The following LDB3 variants were observed in gnomAD, a reference collection of about 807,000 sequenced individuals.
LDB3 encodes the protein LIM domain-binding protein 3.
A neutral mutation model predicts 69.0 loss-of-function variants in LDB3; 49 were observed. The ratio of observed to expected loss-of-function variants is 0.71; its 90% CI spans 0.56 to 0.90. The LOEUF is 0.90. LDB3 is among the 40% of genes least tolerant of loss of function. The pLI is 0.00. For missense variants in LDB3, 928 were observed against 974.1 expected (o/e 0.95, Z 0.63); for synonymous variants, 387 against 396.2 (o/e 0.98, Z 0.28).
intron 7 of LDB3, among the ~76,000 whole-genome samples, chr10:86,697,212 T>C (rs1846035768): frequency 6.9e-6 from 1 of 144,288 alleles, no homozygotes; most frequent in African/African-American, 2.6e-5. Context: ...TGCTAGCAAT[T>C]CACTTTTTTT....
rs1589608216 is a variant in LDB3 at position 86,673,859 on chromosome 10, G to C, written c.93+5075G>C. ...CCTGGTTTGAACACCGGGAGTGAAT[G>C]ATGGCCAGAAACGTCTGCAGAGCCC... On this transcript the variant is annotated intron_variant, in intron 2 of 13. Transcript: ENST00000361373. Among the ~76,000 whole-genome samples, 5 of 152,334 alleles carry C rather than the reference G, an allele frequency of 3.3e-5. No individual in the cohort carries two copies. The South Asian group carries it at 1.0e-3, about 32-fold the overall frequency.
chr10:86,706,811 G>A (rs1846463669), intron 8 of LDB3, 92 bp downstream of exon 8: 2 of 1,390,330 alleles, frequency 1.4e-6, no homozygotes, highest in South Asian at 2.7e-5. Flanking sequence ...TGTGTCCAAG[G>A]TAGTTAGGGC....
At chr10:86,691,619 T>C (rs1042106938) in intron 5 of LDB3, among the ~76,000 whole-genome samples, 2 of 152,030 alleles carry the variant, frequency 1.3e-5, no homozygotes, top group African/African-American at 4.8e-5. Flanking sequence ...TGGAAATGTC[T>C]CCGGCCTAGG....
At chr10:86,690,370 G>C (rs1214136452) in intron 5 of LDB3, among the ~76,000 whole-genome samples, 1 of 152,214 alleles carries the variant, frequency 6.6e-6, no homozygotes, top group Non-Finnish European at 1.5e-5. Flanking sequence ...GCAACAGCAA[G>C]ATCCCACCCT....
chr10:86,671,051 A>T (rs1589603296), intron 2 of LDB3, among the ~76,000 whole-genome samples: 1 of 152,022 alleles, frequency 6.6e-6, no homozygotes, highest in Admixed American at 6.5e-5. Context: ...CTCTGGAGGA[A>T]CCCCACTCCC....
At chr10:86,707,621 T>C (rs1393499248) in intron 8 of LDB3, among the ~76,000 whole-genome samples, 1 of 152,120 alleles carries the variant, frequency 6.6e-6, no homozygotes, top group Non-Finnish European at 1.5e-5. Flanking sequence ...AGCCCAGGTG[T>C]CCCAGGCCTC....
At chr10:86,716,896 G>T (rs1038960374) in intron 10 of LDB3, 125 bp downstream of exon 10, 6 of 1,051,546 alleles carry the variant, frequency 5.7e-6, no homozygotes, top group Non-Finnish European at 5.7e-6. Flanking sequence ...GAAAGCCTCG[G>T]GTCCTTCTGG....
chr10:86,698,372 T>C (rs879819812), intron 7 of LDB3, among the ~76,000 whole-genome samples: 2 of 152,218 alleles, frequency 1.3e-5, no homozygotes, highest in Non-Finnish European at 2.9e-5. Context: ...CATACTGTGT[T>C]TGTGGCTGGA....
intron 5 of LDB3, among the ~76,000 whole-genome samples, chr10:86,690,321 G>A (rs574624388): frequency 1.1e-4 from 16 of 152,268 alleles, no homozygotes; most frequent in Admixed American, 5.2e-4. Context: ...CCTTAGGAAC[G>A]CCTGGGACTC....
intron 9 of LDB3, among the ~76,000 whole-genome samples, chr10:86,711,291 C>T (rs1450654017): frequency 6.6e-6 from 1 of 152,020 alleles, no homozygotes; most frequent in Non-Finnish European, 1.5e-5. Context: ...CGGGGGCGCG[C>T]GGCCAGCCCG....
intron 2 of LDB3, among the ~76,000 whole-genome samples, chr10:86,678,150 C>A (rs930302059): frequency 6.6e-6 from 1 of 151,914 alleles, no homozygotes; most frequent in Non-Finnish European, 1.5e-5. Flanking sequence ...AGAGTTCAAG[C>A]GATTCTCCTG....
intron 9 of LDB3, among the ~76,000 whole-genome samples, chr10:86,715,168 G>C (rs991326144): frequency 1.3e-5 from 2 of 152,174 alleles, no homozygotes; most frequent in East Asian, 3.9e-4. Flanking sequence ...AGTATGGGGT[G>C]GGGGGCAGAG....
chr10:86,727,017 ATTTT>A (rs35394356), intron 13 of LDB3, among the ~76,000 whole-genome samples: 2 of 138,128 alleles, frequency 1.4e-5, no homozygotes, highest in African/African-American at 5.4e-5. Context: ...CGATTTGAGA[ATTTT>A]TTTTTTTTTT....
chr10:86,695,694 C>G (rs200737315), intron 7 of LDB3, among the ~76,000 whole-genome samples: 8 of 152,216 alleles, frequency 5.3e-5, no homozygotes, highest in African/African-American at 1.9e-4. Flanking sequence ...AACTGAGCCT[C>G]TAATCTCAGA....
chr10:86,669,511 C>T (rs1299319775), intron 2 of LDB3, among the ~76,000 whole-genome samples: 3 of 152,214 alleles, frequency 2.0e-5, no homozygotes, highest in Non-Finnish European at 4.4e-5. Context: ...GTAACTCTAC[C>T]GCCTGGCTGG....
At chr10:86,674,756 A>C (rs1844689150) in intron 2 of LDB3, among the ~76,000 whole-genome samples, 2 of 152,172 alleles carry the variant, frequency 1.3e-5, no homozygotes, top group Non-Finnish European at 2.9e-5. Context: ...TTTCTGAAAC[A>C]CAGAAAGGAA....
At position 86,735,852 on chromosome 10, in the gene LDB3, C is replaced by A. The variant is rs2132523082; in HGVS notation, c.*2876C>A. The A allele has an allele frequency of 6.7e-6, 1 of 150,108 alleles. No individual in the cohort carries two copies. The highest frequency in any genetic ancestry group is 1.5e-5 in the Non-Finnish European group (1 of 67,696). The allele number at this position is 150,108 out of a possible 1,614,324, so 9.3% of individuals were successfully genotyped here. The stretch of plus-strand genomic sequence containing the variant: ...AGTGACTTATATCTGCAGCTTATAT[C>A]TGCAGTGTTTGTGTTAGGAACCTAG... On this transcript the variant is annotated 3_prime_UTR_variant, in exon 14 of 14. Coordinates refer to ENST00000361373, the MANE Select transcript of LDB3 (RefSeq NM_007078.3).
At chr10:86,707,377 AG>A (rs1168471128) in intron 8 of LDB3, among the ~76,000 whole-genome samples, 1 of 152,124 alleles carries the variant, frequency 6.6e-6, no homozygotes, top group Non-Finnish European at 1.5e-5. Context: ...GAATTATGAT[AG>A]AAAAAATGTC....
intron 5 of LDB3, among the ~76,000 whole-genome samples, chr10:86,690,043 A>C (rs1845685142): frequency 6.6e-6 from 1 of 152,192 alleles, no homozygotes; most frequent in African/African-American, 2.4e-5. Flanking sequence ...GTTGTGGGAA[A>C]TGAAGCCAGA....
Sources: allele counts gnomAD v4.1 joint callset (sites outside exome capture counted in the v4.1 genomes callset), GRCh38; gene constraint gnomAD v4.1.1; transcripts MANE v1.5; gene names NCBI Gene and HGNC (gene_info 2026-07-23, HGNC 2026-07-21).